SOX5: variants seen among roughly 807,000 people sequenced by gnomAD.
The protein encoded by SOX5 is SRY-box transcription factor 5.
In SOX5, 9 loss-of-function variants were observed where a neutral mutation model predicts 92.0. The ratio of observed to expected loss-of-function variants is 0.10; its 90% CI spans 0.06 to 0.17. The LOEUF is 0.17. Among genes scored for constraint, SOX5 ranks in the 10% least tolerant of loss-of-function variants. The pLI, the probability that SOX5 is intolerant of heterozygous loss-of-function variation, is 1.00. For synonymous variants in SOX5, 344 were observed against 336.3 expected (o/e 1.02, Z -0.25); for missense variants, 642 against 944.5 (o/e 0.68, Z 4.20).
At chr12:24,507,179 G>A (rs751359524) in intron 1 of SOX5, among the ~76,000 whole-genome samples, 1 of 151,900 alleles carries the variant, frequency 6.6e-6, no homozygotes, top group Non-Finnish European at 1.5e-5. Flanking sequence ...ATCATCAATG[G>A]ATTAAACCAT....
intron 2 of SOX5, among the ~76,000 whole-genome samples, chr12:24,341,835 T>C (rs1465529052): frequency 2.6e-5 from 4 of 152,124 alleles, no homozygotes; most frequent in Admixed American, 2.0e-4. Context: ...CTACCACCTC[T>C]GGTCCAGTGC....
intron 4 of SOX5, among the ~76,000 whole-genome samples, chr12:24,000,644 GA>G (rs1029782887): frequency 1.8e-4 from 28 of 152,152 alleles, no homozygotes; most frequent in African/African-American, 6.0e-4. Context: ...AGGACTTGAA[GA>G]ACAGGCATAA....
intron 9 of SOX5, among the ~76,000 whole-genome samples, chr12:23,582,862 T>G (rs1456306585): frequency 6.6e-6 from 1 of 152,126 alleles, no homozygotes; most frequent in Non-Finnish European, 1.5e-5. Flanking sequence ...TCTTTACATT[T>G]AATTTGCTGG....
At position 24,206,940 on chromosome 12, in the gene SOX5, C is replaced by T. The variant is rs16927310; in HGVS notation, c.-2+6403G>A. On this transcript the variant is annotated intron_variant, in intron 4 of 4. Coordinates refer to the SOX5 transcript ENST00000446891. ...GATGGGAAGCAGTAAGCAACTGTGC[C>T]GAACACCTGTGTCAGCTCCTATTTC... Among the ~76,000 whole-genome samples the T allele has an allele frequency of 0.011, 1,620 of 152,240 alleles. 66 individuals are homozygous for T. In the East Asian group the frequency reaches 0.13, roughly 13 times the overall value.
intron 4 of SOX5, among the ~76,000 whole-genome samples, chr12:24,010,422 C>G (rs1016046738): frequency 3.9e-5 from 6 of 152,078 alleles, no homozygotes; most frequent in Admixed American, 2.0e-4. Context: ...TGGATTGCAT[C>G]CTGAGAAATC....
chr12:23,652,613 C>G (rs2081748080), intron 7 of SOX5, among the ~76,000 whole-genome samples: 1 of 150,890 alleles, frequency 6.6e-6, no homozygotes. Flanking sequence ...CTTCCAAAAG[C>G]TGCTTCTACT....
chr12:23,624,108 T>C (rs2077486199), intron 8 of SOX5, among the ~76,000 whole-genome samples: 1 of 152,008 alleles, frequency 6.6e-6, no homozygotes, highest in African/African-American at 2.4e-5. Flanking sequence ...TACTGTATGA[T>C]TAAGTAACAA....
At chr12:24,050,789 A>G (rs1226531339) in intron 4 of SOX5, among the ~76,000 whole-genome samples, 1 of 152,192 alleles carries the variant, frequency 6.6e-6, no homozygotes, top group African/African-American at 2.4e-5. Flanking sequence ...TATAAGAAAT[A>G]TAAACTGTCT....
At chr12:24,360,513 G>T (rs548724) in intron 2 of SOX5, among the ~76,000 whole-genome samples, 32,228 of 152,136 alleles carry the variant, frequency 0.21, 3,765 homozygotes, top group East Asian at 0.36. Context: ...GTAAGGCCTT[G>T]TTAGCAAGGC....
intron 11 of SOX5, among the ~76,000 whole-genome samples, chr12:23,561,924 G>A (rs1345936152): frequency 6.6e-6 from 1 of 152,126 alleles, no homozygotes; most frequent in Non-Finnish European, 1.5e-5. Context: ...ATGCTTGCGA[G>A]GAATAGCTTG....
intron 8 of SOX5, among the ~76,000 whole-genome samples, chr12:23,627,210 C>CG (rs2077942616): frequency 6.6e-6 from 1 of 151,952 alleles, no homozygotes; most frequent in South Asian, 2.1e-4. Context: ...GTAACTTTTA[C>CG]GGAATGGAAA....
intron 1 of SOX5, among the ~76,000 whole-genome samples, chr12:23,912,233 T>G (rs2097359868): frequency 6.6e-6 from 1 of 152,130 alleles, no homozygotes; most frequent in Non-Finnish European, 1.5e-5. Flanking sequence ...AAATGATCAG[T>G]AAGCACATAA....
At chr12:23,810,914 TC>T (rs367574470) in intron 3 of SOX5, among the ~76,000 whole-genome samples, 148 of 152,248 alleles carry the variant, frequency 9.7e-4, no homozygotes, top group African/African-American at 3.4e-3. Context: ...TGCTTTTTTT[TC>T]CCCTCTCTTC....
At chr12:23,678,556 A>C (rs991789540) in intron 6 of SOX5, among the ~76,000 whole-genome samples, 1 of 152,166 alleles carries the variant, frequency 6.6e-6, no homozygotes, top group African/African-American at 2.4e-5. Context: ...CTTTCCATCC[A>C]CTTGCCCTCT....
intron 4 of SOX5, among the ~76,000 whole-genome samples, chr12:24,035,843 G>C (rs1364678836): frequency 1.3e-5 from 2 of 151,966 alleles, no homozygotes; most frequent in African/African-American, 2.4e-5. Flanking sequence ...TCTCAGGCTA[G>C]AGAAAGTTTT....
intron 1 of SOX5, among the ~76,000 whole-genome samples, chr12:23,917,195 T>A (rs913528373): frequency 1.3e-5 from 2 of 152,132 alleles, no homozygotes; most frequent in South Asian, 2.1e-4. Context: ...CAAGATTTTT[T>A]AAAATAATTA....
chr12:24,185,343 T>C (rs1480538094), intron 4 of SOX5, among the ~76,000 whole-genome samples: 1 of 152,066 alleles, frequency 6.6e-6, no homozygotes, highest in East Asian at 1.9e-4. Context: ...ACTCCAATCC[T>C]CTCCCTCAGC....
At chr12:24,482,979 T>C (rs1303902719) in intron 1 of SOX5, among the ~76,000 whole-genome samples, 1 of 152,164 alleles carries the variant, frequency 6.6e-6, no homozygotes, top group African/African-American at 2.4e-5. Flanking sequence ...TAAACATATG[T>C]GTAAAAAACA....
chr12:23,625,105 T>C (rs1364315773), intron 8 of SOX5, among the ~76,000 whole-genome samples: 1 of 152,160 alleles, frequency 6.6e-6, no homozygotes, highest in Non-Finnish European at 1.5e-5. Context: ...ATAATAAGAA[T>C]ATAACGTAAT....
Sources: allele counts gnomAD v4.1 joint callset (sites outside exome capture counted in the v4.1 genomes callset), GRCh38; gene constraint gnomAD v4.1.1; transcripts MANE v1.5; gene names NCBI Gene and HGNC (gene_info 2026-07-23, HGNC 2026-07-21).